Variants in NTN1 observed in about 807,000 individuals in gnomAD.
The protein encoded by NTN1 is netrin-1.
NTN1 carries 11 observed loss-of-function variants against 54.2 expected under a neutral mutation model. That is an observed-to-expected ratio of 0.20 (90% CI 0.13 to 0.34). The LOEUF is 0.34. Among genes scored for constraint, NTN1 ranks in the 10% least tolerant of loss-of-function variants. The pLI is 1.00. For missense variants in NTN1, 740 were observed against 893.1 expected, an observed-to-expected ratio of 0.83 and a Z score of 2.18; for synonymous variants, 371 against 382.0, an observed-to-expected ratio of 0.97 and a Z score of 0.33.
chr17:9,230,625 G>T (rs1406093316), intron 6 of NTN1, among the ~76,000 whole-genome samples: 2 of 152,148 alleles, frequency 1.3e-5, no homozygotes, highest in Non-Finnish European at 2.9e-5. Context: ...TCTGGTGAGA[G>T]CCCGGTGGGG....
At chr17:9,100,328 C>T (rs184435569) in intron 2 of NTN1, among the ~76,000 whole-genome samples, 15 of 151,932 alleles carry the variant, frequency 9.9e-5, no homozygotes, top group African/African-American at 3.4e-4. Context: ...GACAGAGTCT[C>T]GCGCTGTTGC....
At chr17:9,192,538 T>C (rs1904490109) in intron 5 of NTN1, among the ~76,000 whole-genome samples, 1 of 152,266 alleles carries the variant, frequency 6.6e-6, no homozygotes, top group South Asian at 2.1e-4. Flanking sequence ...AGGGTGTCGC[T>C]GGCATCTAGT....
intron 5 of NTN1, among the ~76,000 whole-genome samples, chr17:9,202,508 G>A (rs189529282): frequency 2.6e-5 from 4 of 152,284 alleles, no homozygotes; most frequent in South Asian, 2.1e-4. Flanking sequence ...AAGCAAACCC[G>A]ATACCTTTAT....
chr17:9,118,951 T>A (rs2092223846), intron 2 of NTN1, among the ~76,000 whole-genome samples: 1 of 152,214 alleles, frequency 6.6e-6, no homozygotes, highest in South Asian at 2.1e-4. Context: ...GAATAATACT[T>A]GCTATGAGTA....
chr17:9,173,537 CAGGG>C, intron 3 of NTN1: 1 of 145,828 alleles, frequency 6.9e-6, no homozygotes, highest in East Asian at 2.5e-4. Context: ...CCACAGCAGC[CAGGG>C]AGCAGCCTGG....
intron 2 of NTN1, among the ~76,000 whole-genome samples, chr17:9,048,761 A>G (rs1309361633): frequency 6.6e-6 from 1 of 151,972 alleles, no homozygotes; most frequent in Non-Finnish European, 1.5e-5. Context: ...GGTTCAAGCA[A>G]TTCTCCTGCC....
chr17:9,108,634 G>C (rs2092177696), intron 2 of NTN1, among the ~76,000 whole-genome samples: 1 of 152,182 alleles, frequency 6.6e-6, no homozygotes, highest in South Asian at 2.1e-4. Flanking sequence ...CAGGAAAGCA[G>C]ATGTGGGGTG....
chr17:9,135,399 G>A lies in NTN1; in HGVS notation c.1019-27414G>A, dbSNP rs533468775. Among the ~76,000 whole-genome samples, 3 of 152,254 alleles carry A rather than the reference G, an allele frequency of 2.0e-5. No individual in the cohort carries two copies. The highest frequency in any genetic ancestry group is 2.1e-4 in the South Asian group (1 of 4,814). ...CCACACTAACGTTGTTCTCATGCACGGCTTCCTCTGGCCTCTGAGCCTTTG... is the reference window on the plus strand; with the variant it reads ...CCACACTAACGTTGTTCTCATGCACAGCTTCCTCTGGCCTCTGAGCCTTTG... On this transcript the variant is annotated intron_variant, in intron 2 of 6. Coordinates refer to ENST00000173229, the MANE Select transcript of NTN1 (RefSeq NM_004822.3). This position sits in a 1 kb window ranked among gnomAD's most constrained non-coding sequence, Gnocchi z 4.4.
At chr17:9,091,522 C>T (rs996699693) in intron 2 of NTN1, among the ~76,000 whole-genome samples, 1 of 149,076 alleles carries the variant, frequency 6.7e-6, no homozygotes, top group East Asian at 2.0e-4. Flanking sequence ...GGCACGATCT[C>T]GGCTCACTGC....
At chr17:9,009,679 A>G in the NTN1 span, among the ~76,000 whole-genome samples, 91 of 152,348 alleles carry the variant, frequency 6.0e-4, no homozygotes, top group African/African-American at 2.0e-3. Context: ...GCTGTTCTAC[A>G]TAATTGGTTT....
chr17:9,113,382 G>A (rs2092199154), intron 2 of NTN1, among the ~76,000 whole-genome samples: 1 of 152,080 alleles, frequency 6.6e-6, no homozygotes, highest in South Asian at 2.1e-4. Flanking sequence ...TGACCAGTTT[G>A]CGAAAATGTT....
chr17:9,144,460 G>A (rs2142283117), intron 2 of NTN1, among the ~76,000 whole-genome samples: 1 of 152,322 alleles, frequency 6.6e-6, no homozygotes, highest in East Asian at 1.9e-4. Context: ...GTGCTAGCCT[G>A]AGACACACAG....
intron 2 of NTN1, among the ~76,000 whole-genome samples, chr17:9,023,662 A>G (rs1166322191): frequency 1.3e-5 from 2 of 152,272 alleles, no homozygotes; most frequent in East Asian, 1.9e-4. Flanking sequence ...ACATTTGCAG[A>G]TAGGTCTCCG....
At chr17:9,146,607 C>T (rs551136522) in intron 2 of NTN1, among the ~76,000 whole-genome samples, 8 of 131,226 alleles carry the variant, frequency 6.1e-5, no homozygotes, top group African/African-American at 3.2e-4. Context: ...TAGACACACC[C>T]TGGGGGTCTT....
At chr17:9,203,156 C>T (rs1597536085) in intron 5 of NTN1, among the ~76,000 whole-genome samples, 2 of 152,040 alleles carry the variant, frequency 1.3e-5, no homozygotes, top group East Asian at 1.9e-4. Context: ...CTCCTGACCT[C>T]GTGATCCGCC....
At chr17:9,202,623 G>A (rs1261167699) in intron 5 of NTN1, among the ~76,000 whole-genome samples, 1 of 151,984 alleles carries the variant, frequency 6.6e-6, no homozygotes, top group African/African-American at 2.4e-5. Context: ...CATAAATAGG[G>A]TTCCCAGAAA....
chr17:9,099,536 A>G (rs2142240796), intron 2 of NTN1, among the ~76,000 whole-genome samples: 1 of 151,950 alleles, frequency 6.6e-6, no homozygotes, highest in East Asian at 1.9e-4. Context: ...CTTCCTACCT[A>G]CCTATATACC....
chr17:9,047,853 C>T (rs2091945808), intron 2 of NTN1, among the ~76,000 whole-genome samples: 1 of 152,072 alleles, frequency 6.6e-6, no homozygotes, highest in South Asian at 2.1e-4. Context: ...TGCCACCACG[C>T]CTGGCTAATT....
chr17:9,161,772 C>T (rs148516851), intron 2 of NTN1, among the ~76,000 whole-genome samples: 1 of 152,260 alleles, frequency 6.6e-6, no homozygotes, highest in Non-Finnish European at 1.5e-5. Context: ...AGAAAGACTC[C>T]CGTCTCAAAA....
Sources: allele counts gnomAD v4.1 joint callset (sites outside exome capture counted in the v4.1 genomes callset), GRCh38; gene constraint gnomAD v4.1.1; non-coding constraint Gnocchi (gnomAD v3.1); transcripts MANE v1.5; gene names NCBI Gene and HGNC (gene_info 2026-07-23, HGNC 2026-07-21).